Variants in ABHD12 observed in about 807,000 individuals in gnomAD.
The protein encoded by ABHD12 is lysophosphatidylserine lipase ABHD12.
In ABHD12, 43 loss-of-function variants were observed where a neutral mutation model predicts 58.3. That is an observed-to-expected ratio of 0.74 (90% confidence interval 0.58 to 0.95). The LOEUF is 0.95. Ranked by LOEUF, ABHD12 falls within the 40% of genes least tolerant of loss-of-function variation. The pLI is 0.00. For missense variants in ABHD12, 539 were observed against 537.2 expected (o/e 1.00, Z -0.03); for synonymous variants, 219 against 211.2 (o/e 1.04, Z -0.32).
In ABHD12 at chr20:25,300,360, A is replaced by C; in HGVS notation, c.*485T>G. On this transcript the variant is annotated 3_prime_UTR_variant, in exon 13 of 13. Transcript: ENST00000339157. ...CCCAGGGGAGGTGGGGCAGCTGAGA[A>C]AGGCAAGCAGGTACACAGGGCAGGA... 1 of 1,055,232 alleles carries C rather than the reference A, an allele frequency of 9.5e-7. No homozygotes were observed. Among genetic ancestry groups the C allele is most frequent in the Non-Finnish European group, 1.1e-6 (1 of 871,384 alleles). 65.4% of individuals were successfully genotyped at this position (1,055,232 alleles called of 1,614,324 possible).
At chr20:25,334,226 ACT>A (rs2089324991) in intron 2 of ABHD12, among the ~76,000 whole-genome samples, 1 of 151,342 alleles carries the variant, frequency 6.6e-6, no homozygotes, top group Non-Finnish European at 1.5e-5. Flanking sequence ...AGAATAAAAT[ACT>A]TAGGAATCCA....
At chr20:25,299,049 G>A (rs1195689566), downstream of ABHD12, among the ~76,000 whole-genome samples, 1 of 151,568 alleles carries the variant, frequency 6.6e-6, no homozygotes, top group Non-Finnish European at 1.5e-5. Flanking sequence ...TGGTGGAGCA[G>A]CTGCCACACA....
At chr20:25,368,305 C>T (rs1161191293) in intron 1 of ABHD12, 3 of 1,540,950 alleles carry the variant, frequency 1.9e-6, no homozygotes, top group Middle Eastern at 3.5e-4. Context: ...CAATGGTGAT[C>T]TTCTTGCTGG....
intron 1 of ABHD12, among the ~76,000 whole-genome samples, chr20:25,383,140 A>G (rs2090042415): frequency 6.6e-6 from 1 of 152,218 alleles, no homozygotes; most frequent in African/African-American, 2.4e-5. Context: ...AGGGACACTT[A>G]GAGGGTGAGG....
intron 1 of ABHD12, chr20:25,390,241 G>C (rs1757222159): frequency 5.9e-6 from 2 of 339,636 alleles, no homozygotes; most frequent in African/African-American, 4.3e-5. Flanking sequence ...GGGGTGCAAG[G>C]CTAGGCCAGG....
In ABHD12 at chr20:25,390,717, G is replaced by T. The variant is rs758175183; in HGVS notation, c.-14C>A. The T allele has an allele frequency of 1.5e-6, 2 of 1,342,496 alleles. No individual in the cohort carries two copies. The highest frequency in any genetic ancestry group is 1.7e-5 in the South Asian group (1 of 57,868). 83.2% of individuals were successfully genotyped at this position (1,342,496 alleles called of 1,614,324 possible). A position where few individuals can be genotyped will look rare whatever the true frequency, so the allele number is the denominator to read the frequency against. Reference sequence around the variant, plus strand: ...CCGCTTCCTCATCCCGCGGCCGACAGGGCCAGCCGCCGACGGCGCCCGCTG... The same window carrying T: ...CCGCTTCCTCATCCCGCGGCCGACATGGCCAGCCGCCGACGGCGCCCGCTG... On this transcript the variant is annotated 5_prime_UTR_variant, in exon 1 of 13. In the 5' UTR this introduces an upstream ATG that the reference lacks. Coordinates refer to ENST00000339157, the MANE Select transcript of ABHD12 (RefSeq NM_001042472.3).
At position 25,354,715 on chromosome 20, in the gene ABHD12, G is replaced by A. The variant is rs534193638; in HGVS notation, c.192-15364C>T. On this transcript the variant is annotated intron_variant, in intron 1 of 12. Transcript: ENST00000339157. ...AATCTGACAAGCCAAACTATTAAGT[G>A]CAATAAAATCCTAAGATAGAATTGT... Among the ~76,000 whole-genome samples the A allele has an allele frequency of 3.3e-5, 5 of 151,862 alleles. No individual in the cohort carries two copies. The East Asian group carries it at 7.7e-4, about 23-fold the overall frequency.
At chr20:25,351,716 AC>A (rs1246174463) in intron 1 of ABHD12, among the ~76,000 whole-genome samples, 3 of 152,158 alleles carry the variant, frequency 2.0e-5, no homozygotes, top group African/African-American at 7.2e-5. Flanking sequence ...GACCTGACCA[AC>A]ATGGAGAAAC....
intron 10 of ABHD12, 147 bp from the exon 11 acceptor site, chr20:25,303,775 G>T: frequency 8.8e-7 from 1 of 1,141,384 alleles, no homozygotes; most frequent in Non-Finnish European, 1.3e-6. Flanking sequence ...ACAACTGAAA[G>T]TTAACTCTTC....
At chr20:25,331,281 G>T (rs1173925581) in intron 2 of ABHD12, among the ~76,000 whole-genome samples, 1 of 152,138 alleles carries the variant, frequency 6.6e-6, no homozygotes, top group Admixed American at 6.6e-5. Flanking sequence ...AACGAGTAAA[G>T]CCTCCAAGAA....
rs144669919 is a variant in ABHD12 at position 25,312,249 on chromosome 20, C to T, written c.620-2674G>A. Among the ~76,000 whole-genome samples the T allele has an allele frequency of 5.9e-3, 901 of 152,276 alleles. 8 individuals carry two copies. The highest frequency in any genetic ancestry group is 0.02 in the African/African-American group (848 of 41,558). ...GCCAAGCCGAAGCTGGACTGTACTG[C>T]CGCCATCTCGGCTCACTGCAACCTC... On this transcript the variant is annotated intron_variant, in intron 6 of 12. Transcript: ENST00000339157.
At chr20:25,383,890 G>A (rs964295241) in intron 1 of ABHD12, among the ~76,000 whole-genome samples, 2 of 149,632 alleles carry the variant, frequency 1.3e-5, no homozygotes, top group Admixed American at 6.8e-5. Context: ...GGCACACGGA[G>A]GTTGCAGTGA....
chr20:25,327,284 T>C (rs1229464935), intron 2 of ABHD12, among the ~76,000 whole-genome samples: 3 of 152,104 alleles, frequency 2.0e-5, no homozygotes, highest in Non-Finnish European at 4.4e-5. Flanking sequence ...CTGGCCAACA[T>C]AGTGAAACCC....
chr20:25,300,957 GCTAT>G, intron 12 of ABHD12, 73 bp from the exon 13 acceptor site: 1 of 1,484,900 alleles, frequency 6.7e-7, no homozygotes. Flanking sequence ...TCCTCACACT[GCTAT>G]CTAAGGAAGC....
At chr20:25,380,324 C>G (rs756983560) in intron 1 of ABHD12, among the ~76,000 whole-genome samples, 2 of 152,026 alleles carry the variant, frequency 1.3e-5, no homozygotes, top group Non-Finnish European at 1.5e-5. Flanking sequence ...TGCAATGGCG[C>G]GATTTTGGCT....
At position 25,367,412 on chromosome 20, in the gene ABHD12, T is replaced by C. The variant is rs541959883; in HGVS notation, c.191+23101A>G. 1.2e-3 allele frequency among the ~76,000 whole-genome samples: 182 copies of C among 152,368 alleles called. 1 individual carries two copies. Among genetic ancestry groups the C allele is most frequent in the African/African-American group, 4.2e-3 (174 of 41,590 alleles). On this transcript the variant is annotated intron_variant, in intron 1 of 12. Coordinates refer to ENST00000339157, the MANE Select transcript of ABHD12 (RefSeq NM_001042472.3). ...ATTTTACACATTTTTCCAATTTTTT[T>C]ACACGTAACAAAATTTACCATCATA...
In ABHD12 at chr20:25,390,502, C is replaced by G. The variant is rs1568785254; in HGVS notation, c.191+11G>C. 1.5e-6 allele frequency: 2 copies of G among 1,370,324 alleles called. No homozygotes were observed. The highest frequency in any genetic ancestry group is 1.9e-6 in the Non-Finnish European group (2 of 1,054,576). 84.9% of individuals were successfully genotyped at this position (1,370,324 alleles called of 1,614,324 possible). A position where few individuals can be genotyped will look rare whatever the true frequency, so the allele number is the denominator to read the frequency against. Reference sequence around the variant, plus strand: ...GCCCCCCCCCCCCCCCCGCTCCGCGCGAAGCCTCACCTGCCCAGCGCCCGC... The same window carrying G: ...GCCCCCCCCCCCCCCCCGCTCCGCGGGAAGCCTCACCTGCCCAGCGCCCGC... On this transcript the variant is annotated intron_variant, in intron 1 of 12. Transcript: ENST00000339157.
chr20:25,376,112 ACT>A (rs1407438922), intron 1 of ABHD12, among the ~76,000 whole-genome samples: 1 of 152,026 alleles, frequency 6.6e-6, no homozygotes, highest in Non-Finnish European at 1.5e-5. Flanking sequence ...ACAGAGTGAG[ACT>A]CTGTCTCAAA....
At chr20:25,382,725 T>C (rs1030084116) in intron 1 of ABHD12, among the ~76,000 whole-genome samples, 2 of 152,160 alleles carry the variant, frequency 1.3e-5, no homozygotes, top group African/African-American at 4.8e-5. Context: ...AGTTCAGGCC[T>C]GTCTGCCAAA....
Sources: gnomAD v4.1 joint callset for allele counts (sites outside exome capture counted in the v4.1 genomes callset) on GRCh38, gnomAD v4.1.1 for gene constraint, MANE v1.5 for transcripts, NCBI Gene and HGNC (gene_info 2026-07-23, HGNC 2026-07-21) for gene names.